Variants in ST3GAL6 observed in about 807,000 individuals in gnomAD.
The protein encoded by ST3GAL6 is ST3 beta-galactoside alpha-2,3-sialyltransferase 6.
Under a neutral mutation model 40.5 loss-of-function variants are expected in ST3GAL6, and 31 were observed. The observed-to-expected ratio is 0.77, with a 90% CI of 0.58 to 1.03. The LOEUF (loss-of-function observed/expected upper bound fraction) is 1.03, where lower values mean the gene tolerates loss of function less well. ST3GAL6 is among the 50% of genes least tolerant of loss of function. The pLI is 0.00. For synonymous variants in ST3GAL6, 129 were observed against 136.9 expected, an observed-to-expected ratio of 0.94 and a Z score of 0.40; for missense variants, 357 against 393.2, an observed-to-expected ratio of 0.91 and a Z score of 0.78.
chr3:98,746,183 A>G (rs1451499565), intron 1 of ST3GAL6, among the ~76,000 whole-genome samples: 1 of 152,184 alleles, frequency 6.6e-6, no homozygotes, highest in African/African-American at 2.4e-5. Context: ...TATGCTAGTG[A>G]TATGAATTTC....
intron 1 of ST3GAL6, among the ~76,000 whole-genome samples, chr3:98,733,836 G>C (rs1360911734): frequency 6.6e-6 from 1 of 152,200 alleles, no homozygotes; most frequent in African/African-American, 2.4e-5. Flanking sequence ...AGGAGCAGGA[G>C]GGGGAGAAGA....
At chr3:98,734,824 A>G (rs1408927413) in intron 1 of ST3GAL6, among the ~76,000 whole-genome samples, 2 of 152,314 alleles carry the variant, frequency 1.3e-5, no homozygotes, top group East Asian at 3.9e-4. Flanking sequence ...GTGGCAGACG[A>G]CTGGATTTCA....
intron 1 of ST3GAL6, chr3:98,733,300 C>A (rs969651797): frequency 1.0e-6 from 1 of 985,298 alleles, no homozygotes; most frequent in African/African-American, 1.7e-5. Context: ...GCGGGAGGGA[C>A]GCGCAGCCTC....
intron 1 of ST3GAL6, among the ~76,000 whole-genome samples, chr3:98,738,060 C>T (rs1003092790): frequency 6.6e-5 from 10 of 151,856 alleles, no homozygotes; most frequent in Admixed American, 6.6e-4. Flanking sequence ...TGAGTTCTTA[C>T]AAGATCTGGT....
At chr3:98,763,595 A>G (rs1938014359) in intron 1 of ST3GAL6, among the ~76,000 whole-genome samples, 156 bp downstream of exon 1, 1 of 152,136 alleles carries the variant, frequency 6.6e-6, no homozygotes, top group South Asian at 2.1e-4. Flanking sequence ...ACTGAGGAGT[A>G]TTATTGAACA....
intron 1 of ST3GAL6, among the ~76,000 whole-genome samples, chr3:98,768,128 G>A (rs1035629266): frequency 6.6e-6 from 1 of 152,114 alleles, no homozygotes; most frequent in African/African-American, 2.4e-5. Flanking sequence ...TATTCTGAAG[G>A]AATTATTTCT....
intron 1 of ST3GAL6, among the ~76,000 whole-genome samples, chr3:98,740,614 A>G (rs982240409): frequency 6.6e-6 from 1 of 152,222 alleles, no homozygotes; most frequent in Non-Finnish European, 1.5e-5. Flanking sequence ...CAAATAGCCT[A>G]ACTTCTCTGA....
chr3:98,780,712 T>A (rs1262995053), intron 5 of ST3GAL6, among the ~76,000 whole-genome samples: 2 of 152,068 alleles, frequency 1.3e-5, no homozygotes. Flanking sequence ...TGGGTGGAGG[T>A]CCAGGACCTT....
chr3:98,742,770 C>A (rs1358264841), intron 1 of ST3GAL6, among the ~76,000 whole-genome samples: 1 of 149,910 alleles, frequency 6.7e-6, no homozygotes, highest in African/African-American at 2.5e-5. Context: ...GCAATCTTGG[C>A]TTACAGCAAC....
chr3:98,762,849 C>T (rs778359416), upstream of ST3GAL6: 40 of 985,154 alleles, frequency 4.1e-5, no homozygotes, highest in Non-Finnish European at 4.3e-5. Context: ...TGAAAATATC[C>T]GTGATTTCAT....
At position 98,756,474 on chromosome 3, in the gene ST3GAL6, C is replaced by A. The variant is rs570961802; in HGVS notation, c.-11-11956C>A. On this transcript the variant is annotated intron_variant, in intron 1 of 9. Coordinates refer to the ST3GAL6 transcript ENST00000265261. Reference sequence around the variant, plus strand: ...GTCCTGAGTCTTTGGCAGCCTGGTCCCTCTTTCGCAAATTCTCCACCTTTG... The same window carrying A: ...GTCCTGAGTCTTTGGCAGCCTGGTCACTCTTTCGCAAATTCTCCACCTTTG... 1.6e-5 allele frequency: 20 copies of A among 1,289,080 alleles called. No homozygotes were observed. The African/African-American group carries it at 2.6e-4, about 17-fold the overall frequency. 79.9% of individuals were successfully genotyped at this position (1,289,080 alleles called of 1,614,324 possible). A position where few individuals can be genotyped will look rare whatever the true frequency, so the allele number is the denominator to read the frequency against.
chr3:98,753,030 T>A (rs1257060636), intron 1 of ST3GAL6, among the ~76,000 whole-genome samples: 1 of 152,220 alleles, frequency 6.6e-6, no homozygotes, highest in Non-Finnish European at 1.5e-5. Context: ...TCACTTTAAA[T>A]CAAACGCTAG....
intron 6 of ST3GAL6, among the ~76,000 whole-genome samples, chr3:98,787,676 AT>A (rs1940854420): frequency 6.6e-6 from 1 of 152,108 alleles, no homozygotes; most frequent in African/African-American, 2.4e-5. Flanking sequence ...TGAGCAAGTA[AT>A]TTTCTCTCCA....
chr3:98,744,412 T>C (rs1223262264), intron 1 of ST3GAL6, among the ~76,000 whole-genome samples: 2 of 152,176 alleles, frequency 1.3e-5, no homozygotes, highest in African/African-American at 4.8e-5. Flanking sequence ...AACTGAGTAG[T>C]GGCTACACCC....
At chr3:98,788,015 T>A in intron 6 of ST3GAL6, 21 bp from the exon 7 acceptor site, 1 of 1,603,370 alleles carries the variant, frequency 6.2e-7, no homozygotes, top group Non-Finnish European at 8.5e-7. Context: ...CTACATATCT[T>A]GTATGTTTTA....
chr3:98,769,166 G>C (rs1413806549), intron 2 of ST3GAL6, among the ~76,000 whole-genome samples: 2 of 152,188 alleles, frequency 1.3e-5, no homozygotes, highest in African/African-American at 4.8e-5. Context: ...CTTAGACAAA[G>C]AGTCAGTATT....
chr3:98,735,081 G>A (rs1935416297), intron 1 of ST3GAL6, among the ~76,000 whole-genome samples: 2 of 152,078 alleles, frequency 1.3e-5, no homozygotes, highest in Admixed American at 1.3e-4. Flanking sequence ...CTCCTATTTG[G>A]CACCCACTCT....
chr3:98,770,776 A>G, intron 2 of ST3GAL6, 103 bp from the exon 3 acceptor site: 2 of 967,670 alleles, frequency 2.1e-6, no homozygotes, highest in South Asian at 2.7e-5. Context: ...TTGCTGCCAC[A>G]GAACCTCTCA....
chr3:98,768,159 G>GT (rs1309877237), intron 1 of ST3GAL6, among the ~76,000 whole-genome samples: 1 of 152,172 alleles, frequency 6.6e-6, no homozygotes, highest in Non-Finnish European at 1.5e-5. Context: ...CCATGAGAAA[G>GT]TAGTAGGGGG....
Sources: allele counts gnomAD v4.1 joint callset (sites outside exome capture counted in the v4.1 genomes callset), GRCh38; gene constraint gnomAD v4.1.1; transcripts MANE v1.5; gene names NCBI Gene and HGNC (gene_info 2026-07-23, HGNC 2026-07-21).